Variants in ECT2 observed in about 807,000 individuals in gnomAD.
The protein encoded by ECT2 is protein ECT2.
In ECT2, 61 loss-of-function variants were observed where a neutral mutation model predicts 116.9. That is an observed-to-expected ratio of 0.52 (90% CI 0.42 to 0.65). The LOEUF (loss-of-function observed/expected upper bound fraction) is 0.65, where lower values mean the gene tolerates loss of function less well. Ranked by LOEUF, ECT2 falls within the 30% of genes least tolerant of loss-of-function variation. ECT2 has a pLI of 0.00. For missense variants in ECT2, 937 were observed against 1,078.7 expected (o/e 0.87, Z 1.84); for synonymous variants, 358 against 346.4 (o/e 1.03, Z -0.37).
intron 13 of ECT2, among the ~76,000 whole-genome samples, 192 bp from the exon 14 acceptor site, chr3:172,773,711 A>G (rs1721098323): frequency 6.6e-6 from 1 of 152,230 alleles, no homozygotes. Flanking sequence ...GTATATACAT[A>G]TACACAGGTA....
intron 18 of ECT2, among the ~76,000 whole-genome samples, chr3:172,799,780 TATTA>T (rs1287382559): frequency 1.3e-5 from 2 of 152,228 alleles, no homozygotes; most frequent in African/African-American, 2.4e-5. Flanking sequence ...AAATTTATTA[TATTA>T]ATTATTTTTT....
At chr3:172,779,317 C>T (rs1290338625) in intron 14 of ECT2, among the ~76,000 whole-genome samples, 2 of 152,040 alleles carry the variant, frequency 1.3e-5, no homozygotes, top group East Asian at 3.9e-4. Flanking sequence ...CATTTCTGAA[C>T]AGTTCAATCT....
At chr3:172,828,752 G>T in the ECT2 span, 2 of 592,396 alleles carry the variant, frequency 3.4e-6, no homozygotes, top group South Asian at 1.8e-5. Flanking sequence ...AGAGGATGAG[G>T]AAGGTGACCA....
At chr3:172,822,953 A>G (rs984387180), downstream of ECT2, among the ~76,000 whole-genome samples, 2 of 152,108 alleles carry the variant, frequency 1.3e-5, no homozygotes, top group African/African-American at 4.8e-5. Context: ...GTAGAAAGCA[A>G]TATTTGAAGA....
chr3:172,816,624 TG>T, intron 23 of ECT2, 66 bp from the exon 24 acceptor site: 1 of 1,417,160 alleles, frequency 7.1e-7, no homozygotes, highest in Non-Finnish European at 9.4e-7. Context: ...GGCTTTTTTA[TG>T]TTTAAATATT....
In ECT2 at chr3:172,803,000, A is replaced by G. The variant is rs1013968570; in HGVS notation, c.2106+20A>G. ...CTAGAGGTAAAGATGTACTTCACAT[A>G]GTATAATAACACTACTGATTTTTGT... On this transcript the variant is annotated intron_variant, in intron 20 of 24. Transcript: ENST00000392692. The G allele has an allele frequency of 6.2e-6, 10 of 1,600,048 alleles. No individual in the cohort carries two copies. Among genetic ancestry groups the G allele is most frequent in the Non-Finnish European group, 7.7e-6 (9 of 1,175,002 alleles).
At position 172,816,557 on chromosome 3, in the gene ECT2, C is replaced by CTTTTT. The variant is rs1195527664; in HGVS notation, c.2509-134_2509-133insTTTTT. 9.7e-6 allele frequency: 6 copies of CTTTTT among 620,256 alleles called. No homozygotes were observed. The African/African-American group carries it at 1.1e-4, about 12-fold the overall frequency. 38.4% of individuals were successfully genotyped at this position (620,256 alleles called of 1,614,324 possible). A position where few individuals can be genotyped will look rare whatever the true frequency, so the allele number is the denominator to read the frequency against. On this transcript the variant is annotated intron_variant, in intron 23 of 24. Coordinates refer to ENST00000392692, the MANE Select transcript of ECT2 (RefSeq NM_001258315.2). Reference sequence around the variant, plus strand: ...CTACAAATTTCCTCACTGTTTTGTGCCAAAGAGATTCTAATCCTGCCACAT... The same window carrying CTTTTT: ...CTACAAATTTCCTCACTGTTTTGTGCTTTTTCAAAGAGATTCTAATCCTGCCACAT...
chr3:172,809,092 C>T (rs184057245), intron 22 of ECT2, among the ~76,000 whole-genome samples: 46 of 151,982 alleles, frequency 3.0e-4, no homozygotes, highest in African/African-American at 9.2e-4. Context: ...TGTAGGTATC[C>T]ATCCACTTTT....
chr3:172,806,895 G>A (rs756143110), intron 21 of ECT2, among the ~76,000 whole-genome samples: 31 of 151,920 alleles, frequency 2.0e-4, no homozygotes, highest in Non-Finnish European at 3.2e-4. Context: ...CACCCACTTC[G>A]GCCTCCCAAA....
intron 24 of ECT2, among the ~76,000 whole-genome samples, chr3:172,817,836 TTA>T (rs1730021172): frequency 6.6e-6 from 1 of 152,170 alleles, no homozygotes; most frequent in Admixed American, 6.6e-5. Flanking sequence ...GCAGATGATG[TTA>T]TATACTGAGG....
At chr3:172,758,468 T>TACACAC (rs138087804) in intron 5 of ECT2, among the ~76,000 whole-genome samples, 83,667 of 150,840 alleles carry the variant, frequency 0.55, 23,554 homozygotes, top group East Asian at 0.82. Context: ...TTCTCTTTTA[T>TACACAC]ACACACACAC....
intron 5 of ECT2, among the ~76,000 whole-genome samples, 197 bp from the exon 6 acceptor site, chr3:172,758,783 G>T (rs1306171378): frequency 6.6e-6 from 1 of 152,112 alleles, no homozygotes; most frequent in African/African-American, 2.4e-5. Flanking sequence ...TTAAGGAATC[G>T]GGAAATATTT....
chr3:172,828,776 C>G, the ECT2 span: 1 of 636,036 alleles, frequency 1.6e-6, no homozygotes. Context: ...AACAGAAGAA[C>G]CCCCCATGGC....
rs1717162812 is a variant in ECT2, at chr3:172,757,194, C to G, written c.486+29C>G. ...AGCATATACATTTATTATGACTTTT[C>G]AAGTTAAAATTTTTATTAATGAATT... is the stretch of plus-strand genomic sequence containing the variant. On this transcript the variant is annotated intron_variant, in intron 5 of 24. Coordinates refer to ENST00000392692, the MANE Select transcript of ECT2 (RefSeq NM_001258315.2). 3 of 1,386,034 alleles carry G rather than the reference C, an allele frequency of 2.2e-6. No homozygotes were observed. The South Asian group carries it at 5.8e-5, about 27-fold the overall frequency. The allele number at this position is 1,386,034 out of a possible 1,614,324, so 85.9% of individuals were successfully genotyped here.
intron 21 of ECT2, 53 bp downstream of exon 21, chr3:172,805,922 TAG>T (rs1466556702): frequency 1.6e-5 from 25 of 1,567,992 alleles, no homozygotes; most frequent in Middle Eastern, 1.7e-4. Flanking sequence ...ATATTCATTG[TAG>T]GTTTAATTTA....
intron 14 of ECT2, among the ~76,000 whole-genome samples, chr3:172,780,189 A>G (rs1576926881): frequency 6.6e-6 from 1 of 152,242 alleles, no homozygotes; most frequent in East Asian, 1.9e-4. Flanking sequence ...ACTATATAGT[A>G]TTGTAAATAT....
chr3:172,777,839 C>T (rs2108596980), intron 14 of ECT2, among the ~76,000 whole-genome samples: 1 of 152,306 alleles, frequency 6.6e-6, no homozygotes, highest in Middle Eastern at 3.4e-3. Flanking sequence ...GCAGAGGTTG[C>T]AGTGAGTCAA....
chr3:172,762,047 G>C (rs1718408946), intron 8 of ECT2, among the ~76,000 whole-genome samples: 1 of 152,012 alleles, frequency 6.6e-6, no homozygotes, highest in Non-Finnish European at 1.5e-5. Context: ...GTTTTGCTTA[G>C]TTTTCCAAGC....
intron 17 of ECT2, among the ~76,000 whole-genome samples, chr3:172,785,420 A>G (rs1220673402): frequency 6.6e-6 from 1 of 152,020 alleles, no homozygotes; most frequent in Non-Finnish European, 1.5e-5. Flanking sequence ...AAACAAAATT[A>G]TAGCCGGTAA....
Sources: allele counts gnomAD v4.1 joint callset (sites outside exome capture counted in the v4.1 genomes callset), GRCh38; gene constraint gnomAD v4.1.1; transcripts MANE v1.5; gene names NCBI Gene and HGNC (gene_info 2026-07-23, HGNC 2026-07-21).